Variants in DGKG observed in about 807,000 individuals in gnomAD.
DGKG encodes the protein diacylglycerol kinase gamma.
Under a neutral mutation model 105.3 loss-of-function variants are expected in DGKG, and 78 were observed. The ratio of observed to expected loss-of-function variants is 0.74; its 90% confidence interval spans 0.62 to 0.89. DGKG has a LOEUF of 0.89. DGKG is among the 40% of genes least tolerant of loss of function. The pLI, the probability that DGKG is intolerant of heterozygous loss-of-function variation, is 0.00. For synonymous variants in DGKG, 346 were observed against 367.1 expected, an observed-to-expected ratio of 0.94 and a Z score of 0.66; for missense variants, 958 against 1,020.1, an observed-to-expected ratio of 0.94 and a Z score of 0.83.
chr3:186,247,287 TGG>T (rs1312210992), intron 19 of DGKG, among the ~76,000 whole-genome samples: 1 of 151,870 alleles, frequency 6.6e-6, no homozygotes, highest in Non-Finnish European at 1.5e-5. Flanking sequence ...AGCTATTAAA[TGG>T]GTTCTGTTGG....
chr3:186,213,827 A>T lies in DGKG; in HGVS notation c.1827-1942T>A, dbSNP rs187239072. ...CTGTAGATCCCAGTGAAATGAAAACATGGAAAAGGACAGAACCAGTTAAAC... is the reference window on the plus strand; with the variant it reads ...CTGTAGATCCCAGTGAAATGAAAACTTGGAAAAGGACAGAACCAGTTAAAC... On this transcript the variant is annotated intron_variant, in intron 20 of 24. Coordinates refer to ENST00000265022, the MANE Select transcript of DGKG (RefSeq NM_001346.3). 5.3e-5 allele frequency among the ~76,000 whole-genome samples: 8 copies of T among 152,322 alleles called. No homozygotes were observed. In the South Asian group the frequency reaches 1.0e-3, roughly 20 times the overall value.
In DGKG at chr3:186,225,259, G is replaced by A. The variant is rs115937298; in HGVS notation, c.1827-13374C>T. On this transcript the variant is annotated intron_variant, in intron 20 of 24. Coordinates refer to ENST00000265022, the MANE Select transcript of DGKG (RefSeq NM_001346.3). ...AGGGATTACAGGCATGAGCCATTGC[G>A]CCTGGCCCTGAATCATTTTTTTTAA... Among the ~76,000 whole-genome samples the A allele has an allele frequency of 1.4e-3, 206 of 151,806 alleles. 1 individual carries two copies. The highest frequency in any genetic ancestry group is 4.4e-3 in the African/African-American group (183 of 41,364).
chr3:186,209,087 A>ATTTTTTT (rs1718891572), intron 21 of DGKG, among the ~76,000 whole-genome samples: 1 of 97,328 alleles, frequency 1.0e-5, no homozygotes, highest in African/African-American at 4.4e-5. Flanking sequence ...CCTTCAGTTT[A>ATTTTTTT]CTCTTCTTTT....
intron 19 of DGKG, among the ~76,000 whole-genome samples, chr3:186,250,154 C>T (rs962732308): frequency 6.6e-6 from 1 of 152,068 alleles, no homozygotes; most frequent in Non-Finnish European, 1.5e-5. Context: ...GTGAGATGAG[C>T]AGGATAATGA....
intron 15 of DGKG, 108 bp downstream of exon 15, chr3:186,261,591 G>T: frequency 2.5e-6 from 2 of 801,468 alleles, no homozygotes; most frequent in Non-Finnish European, 4.3e-6. Context: ...GGCAGTGCTG[G>T]GATTTGAGTC....
intron 7 of DGKG, among the ~76,000 whole-genome samples, chr3:186,281,843 G>C (rs1351345677): frequency 6.6e-6 from 1 of 152,080 alleles, no homozygotes; most frequent in Non-Finnish European, 1.5e-5. Flanking sequence ...AAGCAGAGTT[G>C]GCAGATTTAA....
At chr3:186,315,837 C>G (rs1724792395) in intron 2 of DGKG, among the ~76,000 whole-genome samples, 1 of 152,200 alleles carries the variant, frequency 6.6e-6, no homozygotes, top group Non-Finnish European at 1.5e-5. Context: ...GTCCGTTCCT[C>G]TACTTCACTG....
At chr3:186,312,871 G>T (rs1272666697) in intron 2 of DGKG, among the ~76,000 whole-genome samples, 1 of 152,214 alleles carries the variant, frequency 6.6e-6, no homozygotes, top group Non-Finnish European at 1.5e-5. Flanking sequence ...AAGCACAGGG[G>T]AGAAGCCCAG....
chr3:186,279,705 A>G (rs1334336297), intron 9 of DGKG, 146 bp downstream of exon 9: 1 of 774,830 alleles, frequency 1.3e-6, no homozygotes, highest in Admixed American at 2.9e-5. Context: ...GATACAAAAT[A>G]ATGTAAATAG....
intron 2 of DGKG, among the ~76,000 whole-genome samples, chr3:186,309,464 T>A (rs145458209): frequency 0.012 from 1,802 of 152,306 alleles, 24 homozygotes; most frequent in Non-Finnish European, 0.016. Context: ...TAAAGACCAC[T>A]CTGGAAACAG....
chr3:186,160,159 C>A (rs2108475175), intron 24 of DGKG: 1 of 984,478 alleles, frequency 1.0e-6, no homozygotes, highest in African/African-American at 1.7e-5. Context: ...CATTGGTTCA[C>A]AAATTTTTTC....
In DGKG at chr3:186,227,307, T is replaced by C. The variant is rs144217606; in HGVS notation, c.1826+15197A>G. 3.8e-3 allele frequency among the ~76,000 whole-genome samples: 578 copies of C among 152,352 alleles called. 1 individual carries two copies. The highest frequency in any genetic ancestry group is 0.013 in the African/African-American group (544 of 41,588). ...TAAACTTCAAATCCATTGATTTATC[T>C]ACTCTAATTCTCACAGGCACCTTGT... On this transcript the variant is annotated intron_variant, in intron 20 of 24. Coordinates refer to ENST00000265022, the MANE Select transcript of DGKG (RefSeq NM_001346.3).
chr3:186,360,190 T>A (rs1442636563), intron 1 of DGKG, among the ~76,000 whole-genome samples: 1 of 151,994 alleles, frequency 6.6e-6, no homozygotes, highest in East Asian at 1.9e-4. Context: ...GAACAGATGA[T>A]CTTAGTAGTT....
chr3:186,243,330 T>C (rs541835610), intron 19 of DGKG, among the ~76,000 whole-genome samples: 2 of 152,168 alleles, frequency 1.3e-5, no homozygotes, highest in African/African-American at 2.4e-5. Flanking sequence ...GCACATCCCT[T>C]TGCCACACTA....
At chr3:186,164,848 T>C in intron 23 of DGKG, 50 bp downstream of exon 23, 1 of 1,559,232 alleles carries the variant, frequency 6.4e-7, no homozygotes, top group Non-Finnish European at 8.7e-7. Context: ...TGCATGAATG[T>C]GTACGCAGGC....
At position 186,149,032 on chromosome 3, in the gene DGKG, A is replaced by G. The variant is rs973791197; in HGVS notation, c.*1058T>C. 4.6e-5 allele frequency: 45 copies of G among 982,838 alleles called. No individual in the cohort carries two copies. In the African/African-American group the frequency reaches 6.9e-4, roughly 15 times the overall value. The allele number at this position is 982,838 out of a possible 1,614,324, so 60.9% of individuals were successfully genotyped here. A position where few individuals can be genotyped will look rare whatever the true frequency, so the allele number is the denominator to read the frequency against. On this transcript the variant is annotated 3_prime_UTR_variant, in exon 25 of 25. Transcript: ENST00000265022. ...CGCACACACACACACACACGCGCGCACACACGTTAAGACCATCAGAAGGTC... is the reference window on the plus strand; with the variant it reads ...CGCACACACACACACACACGCGCGCGCACACGTTAAGACCATCAGAAGGTC...
chr3:186,354,157 C>A (rs1420548090), intron 1 of DGKG, among the ~76,000 whole-genome samples: 1 of 151,992 alleles, frequency 6.6e-6, no homozygotes, highest in Admixed American at 6.6e-5. Context: ...GAAGGGACAC[C>A]CTGGCCTTCT....
chr3:186,357,187 G>A (rs1043940048), intron 1 of DGKG, among the ~76,000 whole-genome samples: 2 of 152,074 alleles, frequency 1.3e-5, no homozygotes, highest in African/African-American at 4.8e-5. Context: ...CTATGGATGG[G>A]TTCCTTTCTC....
chr3:186,267,666 C>A lies in DGKG; in HGVS notation c.1209+19G>T. 1 of 1,608,984 alleles carries A rather than the reference C, an allele frequency of 6.2e-7. No homozygotes were observed. Among genetic ancestry groups the A allele is most frequent in the East Asian group, 2.2e-5 (1 of 44,856 alleles). ...GAACCCGGAGAAGCTACAGCCCTCG[C>A]CGGGGCAGGAGCACTTACCCGGGTG... On this transcript the variant is annotated intron_variant, in intron 13 of 24. Coordinates refer to ENST00000265022, the MANE Select transcript of DGKG (RefSeq NM_001346.3).
Sources: allele counts gnomAD v4.1 joint callset (sites outside exome capture counted in the v4.1 genomes callset), GRCh38; gene constraint gnomAD v4.1.1; transcripts MANE v1.5; gene names NCBI Gene and HGNC (gene_info 2026-07-23, HGNC 2026-07-21).